PDZRN3: variants seen among roughly 807,000 people sequenced by gnomAD.
The protein encoded by PDZRN3 is PDZ domain containing ring finger 3.
PDZRN3 carries 38 observed loss-of-function variants against 85.7 expected under a neutral mutation model. The ratio of observed to expected loss-of-function variants is 0.44; its 90% CI spans 0.34 to 0.58. The LOEUF (loss-of-function observed/expected upper bound fraction) is 0.58, where lower values mean the gene tolerates loss of function less well. Among genes scored for constraint, PDZRN3 ranks in the 20% least tolerant of loss-of-function variants. The pLI, the probability that PDZRN3 is intolerant of heterozygous loss-of-function variation, is 0.01. For missense variants in PDZRN3, 1,629 were observed against 1,506.4 expected, an observed-to-expected ratio of 1.08 and a Z score of -1.35; for synonymous variants, 759 against 638.0, an observed-to-expected ratio of 1.19 and a Z score of -2.86.
intron 3 of PDZRN3, among the ~76,000 whole-genome samples, chr3:73,467,016 T>C (rs1703233197): frequency 6.6e-6 from 1 of 152,172 alleles, no homozygotes; most frequent in Admixed American, 6.5e-5. Context: ...GATCTGCTGC[T>C]AAGATACCCC....
intron 3 of PDZRN3, among the ~76,000 whole-genome samples, chr3:73,471,866 T>C (rs1703347367): frequency 6.6e-6 from 1 of 152,222 alleles, no homozygotes; most frequent in Non-Finnish European, 1.5e-5. Flanking sequence ...GTGACAGCTA[T>C]ATAAATGGGT....
intron 1 of PDZRN3, among the ~76,000 whole-genome samples, chr3:73,623,240 AAC>A: frequency 6.6e-6 from 1 of 152,196 alleles, no homozygotes. Flanking sequence ...GCCTGACAAA[AAC>A]CTTTCGCACT....
chr3:73,492,822 G>A (rs1703795912), intron 3 of PDZRN3, among the ~76,000 whole-genome samples: 1 of 152,094 alleles, frequency 6.6e-6, no homozygotes, highest in Admixed American at 6.5e-5. Context: ...TGAGGTGGTG[G>A]ATATGCCAAT....
intron 3 of PDZRN3, chr3:73,434,093 A>C (rs184995700): frequency 2.5e-5 from 8 of 323,232 alleles, no homozygotes; most frequent in Non-Finnish European, 3.6e-5. Context: ...CAGAAGCTAT[A>C]ATTGCCAACT....
chr3:73,464,271 C>A (rs1354650265), intron 3 of PDZRN3, among the ~76,000 whole-genome samples: 1 of 152,206 alleles, frequency 6.6e-6, no homozygotes, highest in African/African-American at 2.4e-5. Context: ...AGGCGTGAGC[C>A]ATGGTGCCTG....
chr3:73,437,093 T>TATGGTG, intron 3 of PDZRN3, among the ~76,000 whole-genome samples: 5 of 144,832 alleles, frequency 3.5e-5, no homozygotes, highest in Non-Finnish European at 6.1e-5. Flanking sequence ...GACTGTTGTT[T>TATGGTG]ATATGGGTTA....
chr3:73,477,953 A>G (rs953082073), intron 3 of PDZRN3, among the ~76,000 whole-genome samples: 3 of 152,130 alleles, frequency 2.0e-5, no homozygotes, highest in Non-Finnish European at 4.4e-5. Flanking sequence ...TTATCATGAC[A>G]ACAACATGGG....
chr3:73,451,639 C>A (rs1702864058), intron 3 of PDZRN3, among the ~76,000 whole-genome samples: 1 of 152,178 alleles, frequency 6.6e-6, no homozygotes. Flanking sequence ...GAGCTGCCAA[C>A]TACCTGGCTA....
intron 3 of PDZRN3, among the ~76,000 whole-genome samples, chr3:73,534,773 C>T (rs2106764169): frequency 6.6e-6 from 1 of 152,292 alleles, no homozygotes; most frequent in South Asian, 2.1e-4. Flanking sequence ...TTCTAAGATA[C>T]CTTTACGGAA....
intron 3 of PDZRN3, among the ~76,000 whole-genome samples, chr3:73,461,024 C>T (rs553005767): frequency 3.1e-4 from 47 of 152,236 alleles, no homozygotes; most frequent in African/African-American, 7.5e-4. Flanking sequence ...AAACTCCTGA[C>T]CTCAGGTGAT....
intron 3 of PDZRN3, among the ~76,000 whole-genome samples, chr3:73,459,063 G>A (rs1703048708): frequency 6.6e-6 from 1 of 151,970 alleles, no homozygotes; most frequent in South Asian, 2.1e-4. Flanking sequence ...GGCATTGCTG[G>A]GGAGGCCTCA....
At chr3:73,485,946 A>T (rs980901676) in intron 3 of PDZRN3, among the ~76,000 whole-genome samples, 6 of 152,222 alleles carry the variant, frequency 3.9e-5, no homozygotes, top group African/African-American at 1.2e-4. Flanking sequence ...CCTGACAATG[A>T]TTGCACGTGA....
chr3:73,425,884 T>C (rs548361984), intron 3 of PDZRN3, among the ~76,000 whole-genome samples: 137 of 152,296 alleles, frequency 9.0e-4, no homozygotes, highest in Non-Finnish European at 2.5e-4. Flanking sequence ...GTGATAGCTA[T>C]ACAGCTCTCA....
intron 3 of PDZRN3, among the ~76,000 whole-genome samples, chr3:73,588,877 A>C (rs923270001): frequency 6.6e-6 from 1 of 152,190 alleles, no homozygotes; most frequent in East Asian, 1.9e-4. Context: ...ACACTTGTTT[A>C]GGTTTGATGA....
Position 73,530,090 on chromosome 3 carries a change from G to A in PDZRN3, c.918+72264C>T, listed in dbSNP as rs373126279. ...TTTCTTAAACTCTGATAACCATTAC[G>A]AAAGCCCAGTGCAAAGCCACAGAAC... is the stretch of plus-strand genomic sequence containing the variant. On this transcript the variant is annotated intron_variant, in intron 3 of 9. Transcript: ENST00000263666. 1.1e-4 allele frequency among the ~76,000 whole-genome samples: 17 copies of A among 151,962 alleles called. 1 individual carries two copies. In the East Asian group the frequency reaches 1.3e-3, roughly 12 times the overall value.
chr3:73,543,010 A>G (rs1228987974), intron 3 of PDZRN3, among the ~76,000 whole-genome samples: 1 of 152,140 alleles, frequency 6.6e-6, no homozygotes, highest in African/African-American at 2.4e-5. Flanking sequence ...TCCACACTCT[A>G]TTTGGTGATT....
chr3:73,392,123 T>G (rs75647674), intron 5 of PDZRN3, among the ~76,000 whole-genome samples: 2,657 of 152,316 alleles, frequency 0.017, 74 homozygotes, highest in African/African-American at 0.06. Context: ...CTTCTTGAAC[T>G]TTCCCCGATG....
Position 73,608,495 on chromosome 3 carries a change from G to A in PDZRN3, c.810+103C>T, listed in dbSNP as rs547506369. 10 of 751,138 alleles carry A rather than the reference G, an allele frequency of 1.3e-5. No individual in the cohort carries two copies. In the East Asian group the frequency reaches 1.9e-4, roughly 14 times the overall value. 46.5% of individuals were successfully genotyped at this position (751,138 alleles called of 1,614,324 possible). On this transcript the variant is annotated intron_variant, in intron 2 of 9. Coordinates refer to ENST00000263666, the MANE Select transcript of PDZRN3 (RefSeq NM_015009.3). ...ACCCTCTAATGACAGAGAGCAGAAT[G>A]AAGTGAGCAAAGTTTCCTGCTCCTC...
At chr3:73,569,790 G>A (rs1702018590) in intron 3 of PDZRN3, among the ~76,000 whole-genome samples, 1 of 152,220 alleles carries the variant, frequency 6.6e-6, no homozygotes, top group South Asian at 2.1e-4. Flanking sequence ...CTCTCGAGGG[G>A]TTGAGAACAG....
Sources: gnomAD v4.1 joint callset for allele counts (sites outside exome capture counted in the v4.1 genomes callset) on GRCh38, gnomAD v4.1.1 for gene constraint, MANE v1.5 for transcripts, NCBI Gene and HGNC (gene_info 2026-07-23, HGNC 2026-07-21) for gene names.